OCA2: variants seen among roughly 807,000 people sequenced by gnomAD.
The protein encoded by OCA2 is P protein.
Under a neutral mutation model 100.2 loss-of-function variants are expected in OCA2, and 77 were observed. The ratio of observed to expected loss-of-function variants is 0.77; its 90% CI spans 0.64 to 0.93. The LOEUF is 0.93. Ranked by LOEUF, OCA2 falls within the 40% of genes least tolerant of loss-of-function variation. The pLI, the probability that OCA2 is intolerant of heterozygous loss-of-function variation, is 0.00. For missense variants in OCA2, 1,062 were observed against 1,089.1 expected, an observed-to-expected ratio of 0.98 and a Z score of 0.35; for synonymous variants, 432 against 439.2, an observed-to-expected ratio of 0.98 and a Z score of 0.21.
intron 19 of OCA2, among the ~76,000 whole-genome samples, chr15:27,891,159 T>C (rs2037444873): frequency 6.6e-6 from 1 of 152,200 alleles, no homozygotes; most frequent in Non-Finnish European, 1.5e-5. Flanking sequence ...AAAAGTTATG[T>C]TGCCATCTGA....
chr15:27,923,011 G>T (rs919539809), intron 19 of OCA2, among the ~76,000 whole-genome samples: 4 of 151,866 alleles, frequency 2.6e-5, no homozygotes, highest in Non-Finnish European at 4.4e-5. Flanking sequence ...TCCCCTCTTT[G>T]TGTCCATGTG....
chr15:27,772,402 G>T (rs1374701880), intron 23 of OCA2, among the ~76,000 whole-genome samples: 1 of 152,086 alleles, frequency 6.6e-6, no homozygotes, highest in Non-Finnish European at 1.5e-5. Context: ...TGCAATTAAT[G>T]TATTCTGGTC....
intron 1 of OCA2, among the ~76,000 whole-genome samples, chr15:28,094,146 C>A (rs375588705): frequency 6.6e-6 from 1 of 152,164 alleles, no homozygotes; most frequent in South Asian, 2.1e-4. Context: ...AACACCCTAG[C>A]ACACAGCCTG....
chr15:27,987,512 G>A (rs2041396421), intron 11 of OCA2, among the ~76,000 whole-genome samples: 1 of 150,842 alleles, frequency 6.6e-6, no homozygotes, highest in African/African-American at 2.4e-5. Context: ...GAGATCAGGA[G>A]ATCGAGACCC....
chr15:28,049,946 G>T (rs2043458279), intron 2 of OCA2, among the ~76,000 whole-genome samples: 2 of 152,138 alleles, frequency 1.3e-5, no homozygotes, highest in African/African-American at 4.8e-5. Context: ...GGCTAAAATG[G>T]TAGATTATAT....
At chr15:28,076,280 T>G (rs772419755) in intron 2 of OCA2, among the ~76,000 whole-genome samples, 21 of 152,200 alleles carry the variant, frequency 1.4e-4, no homozygotes, top group South Asian at 4.1e-4. Flanking sequence ...CACTTGATAA[T>G]GAAATACAGT....
At chr15:27,871,585 TG>T (rs1417805431) in intron 20 of OCA2, among the ~76,000 whole-genome samples, 1 of 152,218 alleles carries the variant, frequency 6.6e-6, no homozygotes, top group Non-Finnish European at 1.5e-5. Flanking sequence ...CTGGGGCGCC[TG>T]CAGCACTCAT....
intron 23 of OCA2, among the ~76,000 whole-genome samples, chr15:27,790,368 C>T (rs1360347051): frequency 2.0e-5 from 3 of 152,196 alleles, no homozygotes; most frequent in Admixed American, 2.0e-4. Flanking sequence ...CTCACAGCCC[C>T]ATTGCTAGGT....
At chr15:27,845,852 A>G (rs2035513505) in intron 22 of OCA2, among the ~76,000 whole-genome samples, 1 of 152,150 alleles carries the variant, frequency 6.6e-6, no homozygotes, top group Non-Finnish European at 1.5e-5. Flanking sequence ...GGATGGGTGA[A>G]CTGTGCAACA....
intron 14 of OCA2, among the ~76,000 whole-genome samples, chr15:27,974,438 G>T (rs925771718): frequency 2.0e-5 from 3 of 152,154 alleles, no homozygotes; most frequent in Admixed American, 2.0e-4. Context: ...TCCATACAGA[G>T]AAGTATTTCC....
chr15:28,075,224 T>C (rs2044394325), intron 2 of OCA2, among the ~76,000 whole-genome samples: 1 of 152,006 alleles, frequency 6.6e-6, no homozygotes, highest in Non-Finnish European at 1.5e-5. Flanking sequence ...AAAATAATAA[T>C]GCAAAGACAA....
chr15:27,981,713 C>T (rs1363984005), intron 14 of OCA2, among the ~76,000 whole-genome samples: 7 of 152,228 alleles, frequency 4.6e-5, no homozygotes, highest in African/African-American at 1.7e-4. Context: ...TTGTTCTCCC[C>T]GGGTCTCATG....
chr15:28,054,279 C>T (rs1052506909), intron 2 of OCA2, among the ~76,000 whole-genome samples: 9 of 152,090 alleles, frequency 5.9e-5, no homozygotes, highest in African/African-American at 2.2e-4. Flanking sequence ...ATCATGTGTG[C>T]ATGCATGTAC....
chr15:28,081,604 TG>T, intron 2 of OCA2, 43 bp downstream of exon 2: 1 of 1,566,294 alleles, frequency 6.4e-7, no homozygotes. Context: ...AAACCCAATC[TG>T]TGTGAAGTCC....
At chr15:27,870,560 G>A (rs534388570) in intron 21 of OCA2, among the ~76,000 whole-genome samples, 10 of 152,210 alleles carry the variant, frequency 6.6e-5, no homozygotes, top group African/African-American at 2.4e-4. Context: ...GAAAGATCTT[G>A]CCCAGGCCAA....
chr15:27,995,526 A>G (rs1019385960), intron 9 of OCA2, among the ~76,000 whole-genome samples: 1 of 151,078 alleles, frequency 6.6e-6, no homozygotes, highest in African/African-American at 2.4e-5. Context: ...CTGAGTAACT[A>G]GGACTACAAG....
intron 1 of OCA2, among the ~76,000 whole-genome samples, chr15:28,089,648 C>T (rs1179189912): frequency 3.3e-5 from 5 of 152,192 alleles, no homozygotes; most frequent in African/African-American, 1.2e-4. Flanking sequence ...GGTCTGAATA[C>T]ATCAACTAAA....
At chr15:27,802,796 A>G (rs374783272) in intron 23 of OCA2, among the ~76,000 whole-genome samples, 5 of 152,346 alleles carry the variant, frequency 3.3e-5, no homozygotes, top group East Asian at 3.9e-4. Context: ...ACCTCAATGT[A>G]AAACCTAGAA....
At chr15:27,729,439 G>T in the OCA2 span, among the ~76,000 whole-genome samples, 1 of 151,876 alleles carries the variant, frequency 6.6e-6, no homozygotes, top group African/African-American at 2.4e-5. Flanking sequence ...CTCACTTCCC[G>T]GTTCCAAAAA....
Sources: gnomAD v4.1 joint callset for allele counts (sites outside exome capture counted in the v4.1 genomes callset) on GRCh38, gnomAD v4.1.1 for gene constraint, MANE v1.5 for transcripts, NCBI Gene and HGNC (gene_info 2026-07-23, HGNC 2026-07-21) for gene names.